ARMH3: variants seen among roughly 807,000 people sequenced by gnomAD.
ARMH3 encodes the protein armadillo like helical domain containing 3, also known as armadillo-like helical domain-containing protein 3.
Under a neutral mutation model 99.1 loss-of-function variants are expected in ARMH3, and 60 were observed. That is an observed-to-expected ratio of 0.61 (90% CI 0.49 to 0.75). The LOEUF is 0.75. ARMH3 is among the 30% of genes least tolerant of loss of function. The probability of loss-of-function intolerance (pLI) is 0.00; values close to 1 mark genes in which losing one functional copy is unlikely to be tolerated. For synonymous variants in ARMH3, 285 were observed against 292.8 expected (o/e 0.97, Z 0.27); for missense variants, 679 against 843.1 (o/e 0.81, Z 2.41).
At chr10:101,872,920 T>C (rs1196081790) in intron 24 of ARMH3, among the ~76,000 whole-genome samples, 1 of 150,656 alleles carries the variant, frequency 6.6e-6, no homozygotes, top group Non-Finnish European at 1.5e-5. Flanking sequence ...ATCACGCCAC[T>C]GCACGCCAGC....
intron 1 of ARMH3, among the ~76,000 whole-genome samples, chr10:102,055,220 C>T (rs2067812127): frequency 6.6e-6 from 1 of 151,846 alleles, no homozygotes; most frequent in South Asian, 2.1e-4. Context: ...TCGCTTGAAC[C>T]CCGGAGGCAG....
intron 23 of ARMH3, among the ~76,000 whole-genome samples, chr10:101,905,491 G>A (rs2135518034): frequency 6.6e-6 from 1 of 152,300 alleles, no homozygotes; most frequent in South Asian, 2.1e-4. Flanking sequence ...AAGAATCCAG[G>A]AAGCTTTCAA....
At chr10:101,982,021 C>CA (rs71016356) in intron 19 of ARMH3, among the ~76,000 whole-genome samples, 5,025 of 58,340 alleles carry the variant, frequency 0.086, 360 homozygotes, top group East Asian at 0.25. Context: ...GACTCTATCT[C>CA]AAAAAAAAAA....
chr10:101,887,180 T>C (rs543694989), intron 24 of ARMH3, among the ~76,000 whole-genome samples: 62 of 152,166 alleles, frequency 4.1e-4, no homozygotes, highest in South Asian at 3.3e-3. Flanking sequence ...CCCTTCAAAA[T>C]CAGTTAGAGA....
chr10:101,972,344 T>G (rs770416199), intron 20 of ARMH3, among the ~76,000 whole-genome samples: 2 of 152,234 alleles, frequency 1.3e-5, no homozygotes, highest in Admixed American at 6.5e-5. Context: ...GATTGCTTCC[T>G]AGATAATCAA....
chr10:101,889,175 C>G (rs1378987815), intron 24 of ARMH3, among the ~76,000 whole-genome samples: 1 of 152,116 alleles, frequency 6.6e-6, no homozygotes, highest in African/African-American at 2.4e-5. Flanking sequence ...AATAATTCAC[C>G]AGATTTTCAC....
intron 24 of ARMH3, among the ~76,000 whole-genome samples, chr10:101,876,015 G>A (rs766317525): frequency 1.3e-5 from 2 of 152,012 alleles, no homozygotes; most frequent in South Asian, 2.1e-4. Context: ...TTAGGAGGCC[G>A]AGTCGGGCAG....
At chr10:102,025,095 G>A (rs2066972178) in intron 6 of ARMH3, 61 bp downstream of exon 6, 2 of 1,355,432 alleles carry the variant, frequency 1.5e-6, no homozygotes, top group South Asian at 2.3e-5. Context: ...TTGGGCTCAA[G>A]TATTCAAACA....
intron 16 of ARMH3, among the ~76,000 whole-genome samples, chr10:101,994,612 T>C (rs1846969135): frequency 6.6e-6 from 1 of 152,142 alleles, no homozygotes; most frequent in Non-Finnish European, 1.5e-5. Flanking sequence ...AGCCAAAGCA[T>C]CTCTTCTTTT....
intron 24 of ARMH3, among the ~76,000 whole-genome samples, chr10:101,854,621 A>G (rs1032153680): frequency 1.3e-5 from 2 of 152,254 alleles, no homozygotes; most frequent in African/African-American, 4.8e-5. Flanking sequence ...AATGTTTGGG[A>G]AGGCCTAAAC....
chr10:101,975,049 T>TAAAAAAAAAAAAAAAAAAAAAAAAAAGA (rs11399489), intron 20 of ARMH3, among the ~76,000 whole-genome samples, 163 bp downstream of exon 20: 1 of 29,668 alleles, frequency 3.4e-5, no homozygotes, highest in Non-Finnish European at 6.0e-5. Flanking sequence ...AGCTAAAACG[T>TAAAAAAAAAAAAAAAAAAAAAAAAAAGA]AAAAAAAAAA....
chr10:101,922,794 C>T (rs1843355025), intron 23 of ARMH3, among the ~76,000 whole-genome samples: 1 of 152,092 alleles, frequency 6.6e-6, no homozygotes, highest in Non-Finnish European at 1.5e-5. Context: ...GATCCAACTA[C>T]AGATAGCTAC....
intron 20 of ARMH3, among the ~76,000 whole-genome samples, chr10:101,964,400 T>C (rs1000933937): frequency 2.0e-5 from 3 of 152,130 alleles, no homozygotes; most frequent in Non-Finnish European, 2.9e-5. Context: ...AACAAGCGAT[T>C]GCAGGAACTC....
chr10:101,914,504 G>C (rs1311948461), intron 23 of ARMH3, among the ~76,000 whole-genome samples: 3 of 135,224 alleles, frequency 2.2e-5, no homozygotes, highest in African/African-American at 5.5e-5. Flanking sequence ...AAAAAAAAAA[G>C]ATACGATACC....
chr10:101,919,435 C>G (rs1307119713), intron 23 of ARMH3, among the ~76,000 whole-genome samples: 2 of 152,072 alleles, frequency 1.3e-5, no homozygotes, highest in African/African-American at 4.8e-5. Context: ...GATGAACAGC[C>G]CTTTCTTTGC....
chr10:101,990,393 G>A (rs1023221462), intron 19 of ARMH3, among the ~76,000 whole-genome samples, 158 bp downstream of exon 19: 1 of 151,744 alleles, frequency 6.6e-6, no homozygotes, highest in South Asian at 2.1e-4. Flanking sequence ...CCGTGGTCTC[G>A]ATCTCCTGAC....
intron 24 of ARMH3, 78 bp from the exon 25 acceptor site, chr10:101,849,970 G>A (rs1589897504): frequency 7.4e-7 from 1 of 1,350,968 alleles, no homozygotes; most frequent in South Asian, 1.2e-5. Flanking sequence ...CTGATCTACT[G>A]GGTTGGGTTT....
intron 8 of ARMH3, among the ~76,000 whole-genome samples, chr10:102,014,706 T>TA (rs1399100197): frequency 2.0e-5 from 3 of 152,194 alleles, no homozygotes; most frequent in African/African-American, 7.2e-5. Flanking sequence ...TCCCATCACT[T>TA]AGAGCACTGG....
intron 2 of ARMH3, among the ~76,000 whole-genome samples, chr10:102,034,824 CT>C (rs2136217670): frequency 6.6e-6 from 1 of 152,162 alleles, no homozygotes; most frequent in Admixed American, 6.5e-5. Context: ...AGGAGAATCG[CT>C]TGAACCCAGG....
Sources: allele counts gnomAD v4.1 joint callset (sites outside exome capture counted in the v4.1 genomes callset), GRCh38; gene constraint gnomAD v4.1.1; transcripts MANE v1.5; gene names NCBI Gene and HGNC (gene_info 2026-07-23, HGNC 2026-07-21).